Variants in TMPRSS3 observed in about 807,000 individuals in gnomAD.
TMPRSS3 encodes transmembrane protease serine 3.
TMPRSS3 carries 55 observed loss-of-function variants against 59.6 expected under a neutral mutation model. That is an observed-to-expected ratio of 0.92 (90% confidence interval 0.74 to 1.16). The LOEUF (loss-of-function observed/expected upper bound fraction) is 1.16. Ranked by LOEUF, TMPRSS3 falls within the 50% of genes most tolerant of loss-of-function variation. The probability of loss-of-function intolerance (pLI) is 0.00; values close to 1 mark genes in which losing one functional copy is unlikely to be tolerated. For missense variants in TMPRSS3, 596 were observed against 579.4 expected, an observed-to-expected ratio of 1.03 and a Z score of -0.29; for synonymous variants, 257 against 237.7, an observed-to-expected ratio of 1.08 and a Z score of -0.75.
chr21:42,380,200 G>A lies in TMPRSS3; in HGVS notation c.965C>T (p.Pro322Leu). 1.2e-6 allele frequency: 2 copies of A among 1,613,956 alleles called. No individual in the cohort carries two copies. Among genetic ancestry groups the A allele is most frequent in the South Asian group, 2.2e-5 (2 of 91,052 alleles). ...GPLTFNEMIQ[P>L]VCLPNSEENF... is the part of the protein sequence containing the mutation. ...CTCTTCAGAGTTGGGCAGGCACACAGGCTGGATCATTTCTGCTTGAAGGGA... is the reference window on the plus strand; with the variant it reads ...CTCTTCAGAGTTGGGCAGGCACACAAGCTGGATCATTTCTGCTTGAAGGGA... The change falls in exon 10 of 13, where the codon CCT becomes CTT. Residue 322 changes from proline (P) to leucine (L), a missense_variant. By Grantham distance (98) the Pro-to-Leu change is moderately conservative (BLOSUM62 -3). Coordinates refer to ENST00000644384, the MANE Select transcript of TMPRSS3 (RefSeq NM_001256317.3).
At chr21:42,393,144 C>T (rs761389248) in intron 2 of TMPRSS3, among the ~76,000 whole-genome samples, 32 of 151,928 alleles carry the variant, frequency 2.1e-4, no homozygotes, top group Non-Finnish European at 4.0e-4. Flanking sequence ...CTCAGGAGGC[C>T]GAGGCAAGAG....
At position 42,385,414 on chromosome 21, in the gene TMPRSS3, A is replaced by G. The variant is rs747054153; in HGVS notation, c.567T>C (p.Tyr189=). Residue 189 remains tyrosine, a synonymous_variant, in exon 6 of 13, where the codon TAT becomes TAC. Coordinates refer to ENST00000644384, the MANE Select transcript of TMPRSS3 (RefSeq NM_001256317.3). ...AGCATCGCCTGACCACCTACCTCAC[A>G]TATACTGAGTGGTGTAATGCAGTCA... ...DKVTALHHSV[Y]VREGCASGHV... is the part of the protein sequence containing the mutation. 39 of 1,613,932 alleles carry G rather than the reference A, an allele frequency of 2.4e-5. No homozygotes were observed. The highest frequency in any genetic ancestry group is 3.3e-5 in the Non-Finnish European group (39 of 1,179,948).
chr21:42,385,464 C>A lies in TMPRSS3; in HGVS notation c.517G>T (p.Asp173Tyr). Residue 173 changes from aspartate (D) to tyrosine (Y), a missense_variant, in exon 6 of 13, where the codon GAT (aspartate) becomes TAT (tyrosine). Asp to Tyr is a radical substitution (Grantham distance 160). Transcript: ENST00000644384. The part of the protein sequence containing the change: ...GQFREEFVSI[D>Y]HLLPDDKVTA... ...ACCTTGTCATCTGGCAAGAGGTGAT[C>A]GATGGACACAAACTCCTCCCGGAAC... 5 of 1,614,104 alleles carry A rather than the reference C, an allele frequency of 3.1e-6. No homozygotes were observed. Among genetic ancestry groups the A allele is most frequent in the Non-Finnish European group, 4.2e-6 (5 of 1,180,010 alleles).
In TMPRSS3 at chr21:42,389,624, C is replaced by T. The variant is rs116372470; in HGVS notation, c.205+303G>A. Among the ~76,000 whole-genome samples the T allele has an allele frequency of 6.3e-3, 958 of 152,378 alleles. 10 individuals are homozygous for T. The highest frequency in any genetic ancestry group is 0.022 in the African/African-American group (900 of 41,592). ...GGTCTCTTTGTCTTCTCCCCGCTGC[C>T]CCGGTCAGTGCCTCCCTCCCACCTG... On this transcript the variant is annotated intron_variant, in intron 3 of 12. Coordinates refer to ENST00000644384, the MANE Select transcript of TMPRSS3 (RefSeq NM_001256317.3).
intron 2 of TMPRSS3, among the ~76,000 whole-genome samples, chr21:42,390,811 G>T (rs904730004): frequency 6.6e-6 from 1 of 152,188 alleles, no homozygotes; most frequent in African/African-American, 2.4e-5. Flanking sequence ...GACACAGGCA[G>T]AAGCCAGCCT....
chr21:42,385,634 G>A (rs756381661), intron 5 of TMPRSS3, 100 bp from the exon 6 acceptor site: 1 of 1,490,758 alleles, frequency 6.7e-7, no homozygotes, highest in Non-Finnish European at 9.3e-7. Flanking sequence ...TGTACATGGG[G>A]GATGTCATTT....
intron 6 of TMPRSS3, 87 bp from the exon 7 acceptor site, chr21:42,384,100 A>T (rs1418069242): frequency 6.1e-6 from 8 of 1,312,616 alleles, no homozygotes; most frequent in Non-Finnish European, 8.7e-6. Context: ...AGGGTAACAG[A>T]AAAATAAATT....
chr21:42,372,025 G>T lies in TMPRSS3; in HGVS notation c.*737C>A, dbSNP rs556767717. The T allele has an allele frequency of 2.2e-6, 1 of 454,490 alleles. No homozygotes were observed. Among genetic ancestry groups the T allele is most frequent in the East Asian group, 6.9e-5 (1 of 14,538 alleles). The allele number at this position is 454,490 out of a possible 1,614,324, so 28.2% of individuals were successfully genotyped here. On this transcript the variant is annotated 3_prime_UTR_variant, in exon 13 of 13. Coordinates refer to ENST00000644384, the MANE Select transcript of TMPRSS3 (RefSeq NM_001256317.3). The stretch of plus-strand genomic sequence containing the variant: ...CTCCCCACATGTGAAAATAAGTCTT[G>T]GAAGTAGAAAGGGTGGGTTTGGTTC...
chr21:42,392,759 A>G (rs1040128065), intron 2 of TMPRSS3, among the ~76,000 whole-genome samples: 1 of 152,186 alleles, frequency 6.6e-6, no homozygotes. Context: ...ATCTGCAGGA[A>G]CCCCAGGAAT....
chr21:42,376,506 C>A, intron 11 of TMPRSS3, 35 bp downstream of exon 11: 1 of 1,611,300 alleles, frequency 6.2e-7, no homozygotes, highest in South Asian at 1.1e-5. Flanking sequence ...CTGGGTCACC[C>A]TGCCACGGCC....
intron 10 of TMPRSS3, 102 bp downstream of exon 10, chr21:42,380,015 G>A: frequency 1.0e-6 from 1 of 971,630 alleles, no homozygotes; most frequent in Non-Finnish European, 1.6e-6. Flanking sequence ...GGGTATCTGG[G>A]CAGCCCATGG....
At chr21:42,393,193 C>T (rs1480593279) in intron 2 of TMPRSS3, among the ~76,000 whole-genome samples, 2 of 151,902 alleles carry the variant, frequency 1.3e-5, no homozygotes, top group African/African-American at 4.8e-5. Flanking sequence ...TGCAGTGAGC[C>T]GAGATCACGC....
chr21:42,375,983 T>C, intron 11 of TMPRSS3, 115 bp from the exon 12 acceptor site: 1 of 1,367,830 alleles, frequency 7.3e-7, no homozygotes, highest in East Asian at 2.3e-5. Context: ...CCCCCCTTCA[T>C]GATGTCCCAA....
At chr21:42,394,494 T>C (rs927718433) in intron 2 of TMPRSS3, among the ~76,000 whole-genome samples, 2 of 152,240 alleles carry the variant, frequency 1.3e-5, no homozygotes, top group African/African-American at 4.8e-5. Flanking sequence ...GATTTTTTTT[T>C]CTTTCATTGA....
intron 2 of TMPRSS3, among the ~76,000 whole-genome samples, chr21:42,393,449 G>T (rs1179234803): frequency 6.6e-6 from 1 of 152,120 alleles, no homozygotes; most frequent in Non-Finnish European, 1.5e-5. Flanking sequence ...TGAAAGTTTT[G>T]ACCTAGCAGT....
At position 42,372,282 on chromosome 21, in the gene TMPRSS3, A is replaced by G. The variant is rs746120755; in HGVS notation, c.*480T>C. The G allele has an allele frequency of 4.0e-5, 18 of 452,628 alleles. No homozygotes were observed. Among genetic ancestry groups the G allele is most frequent in the South Asian group, 2.7e-4 (17 of 64,086 alleles). 28.0% of individuals were successfully genotyped at this position (452,628 alleles called of 1,614,324 possible). The stretch of plus-strand genomic sequence containing the variant: ...GAAGATCAGAAAGGAGCGTGAGGCT[A>G]GGCGTGGTGGCCCATGCCTGTAATC... On this transcript the variant is annotated 3_prime_UTR_variant, in exon 13 of 13. Transcript: ENST00000644384.
rs556073981 is a variant in TMPRSS3 at position 42,383,137 on chromosome 21, C to G, written c.678G>C (p.Ser226=). 1 of 1,614,186 alleles carries G rather than the reference C, an allele frequency of 6.2e-7. No homozygotes were observed. Among genetic ancestry groups the G allele is most frequent in the South Asian group, 1.1e-5 (1 of 91,090 alleles). The change falls in exon 8 of 13, where the codon TCG becomes TCC. Residue 226 remains serine, a synonymous_variant. Coordinates refer to ENST00000644384, the MANE Select transcript of TMPRSS3 (RefSeq NM_001256317.3). ...RIVGGNMSLL[S]QWPWQASLQF... ...GAAGGCTGGCCTGCCAGGGCCACTGCGAGAGCAAGGACATGTTTCCACCCA... is the reference window on the plus strand; with the variant it reads ...GAAGGCTGGCCTGCCAGGGCCACTGGGAGAGCAAGGACATGTTTCCACCCA...
At chr21:42,390,248 T>C in intron 2 of TMPRSS3, 1 of 581,632 alleles carries the variant, frequency 1.7e-6, no homozygotes, top group Non-Finnish European at 3.1e-6. Context: ...GGTTATTCCA[T>C]GGGGGATGAG....
intron 9 of TMPRSS3, 98 bp downstream of exon 9, chr21:42,381,967 A>G: frequency 1.4e-6 from 2 of 1,442,712 alleles, no homozygotes; most frequent in Non-Finnish European, 9.8e-7. Context: ...TCTGACAAGG[A>G]TTATAAAGCA....
Sources: allele counts gnomAD v4.1 joint callset (sites outside exome capture counted in the v4.1 genomes callset), GRCh38; gene constraint gnomAD v4.1.1; transcripts MANE v1.5; gene names NCBI Gene and HGNC (gene_info 2026-07-23, HGNC 2026-07-21).